The following TNS1 variants were observed in gnomAD, a reference collection of about 807,000 sequenced individuals.
TNS1 encodes the protein tensin 1.
TNS1 carries 62 observed loss-of-function variants against 168.6 expected under a neutral mutation model. The ratio of observed to expected loss-of-function variants is 0.37; its 90% CI spans 0.30 to 0.45. TNS1 has a LOEUF of 0.45. TNS1 is among the 20% of genes least tolerant of loss of function. The probability of loss-of-function intolerance (pLI) is 1.00; values close to 1 mark genes in which losing one functional copy is unlikely to be tolerated. For synonymous variants in TNS1, 934 were observed against 933.2 expected (o/e 1.00, Z -0.02); for missense variants, 2,240 against 2,339.4 (o/e 0.96, Z 0.88).
chr2:217,874,286 A>T (rs1330495427), intron 18 of TNS1, among the ~76,000 whole-genome samples: 2 of 152,204 alleles, frequency 1.3e-5, no homozygotes, highest in Non-Finnish European at 2.9e-5. Flanking sequence ...TGTTCAGCCC[A>T]GTAAGTACAA....
intron 3 of TNS1, among the ~76,000 whole-genome samples, chr2:217,943,176 G>A (rs532778468): frequency 6.6e-6 from 1 of 152,202 alleles, no homozygotes; most frequent in Non-Finnish European, 1.5e-5. Context: ...GAAGGAGTAA[G>A]GGCTAGTGGT....
intron 8 of TNS1, among the ~76,000 whole-genome samples, chr2:217,896,963 G>A (rs552609717): frequency 6.6e-6 from 1 of 152,210 alleles, no homozygotes; most frequent in African/African-American, 2.4e-5. Flanking sequence ...TTACTGTTGG[G>A]TTTTTTCTGA....
rs1194194543 is a variant in TNS1 at position 217,903,606 on chromosome 2, CA to C, written c.321+2728del. 5.2e-6 allele frequency: 8 copies of C among 1,536,198 alleles called. No individual in the cohort carries two copies. In the South Asian group the frequency reaches 7.1e-5, roughly 14 times the overall value. ...ACAGAACTCTCCCCATCCTTACCTCCAAAACACAATCCTTCCTTTGCTGAAA... is the reference window on the plus strand; with the variant it reads ...ACAGAACTCTCCCCATCCTTACCTCCAAACACAATCCTTCCTTTGCTGAAA... On this transcript the variant is annotated intron_variant, in intron 6 of 32. Coordinates refer to ENST00000682258, the MANE Select transcript of TNS1 (RefSeq NM_001387777.1).
At chr2:217,854,032 T>C (rs1020934325) in intron 18 of TNS1, among the ~76,000 whole-genome samples, 1 of 152,226 alleles carries the variant, frequency 6.6e-6, no homozygotes, top group East Asian at 1.9e-4. Context: ...CCTCTGGAGA[T>C]TGTTAAAAAT....
Position 217,848,254 on chromosome 2 carries a change from G to T in TNS1, c.2263C>A (p.Pro755Thr). The T allele has an allele frequency of 6.4e-7, 1 of 1,556,268 alleles. No individual in the cohort carries two copies. The highest frequency in any genetic ancestry group is 8.7e-7 in the Non-Finnish European group (1 of 1,151,024). ...QSFSEAEPQL[P>T]PAPVRGGSSR... The stretch of plus-strand genomic sequence containing the variant: ...CTTCCCCCTCGGACCGGAGCTGGGG[G>T]CAGCTGGGGTTCAGCTTCCGAAAAG... Residue 755 changes from proline to threonine, a missense_variant, in exon 19 of 33, where the codon CCC becomes ACC. This residue lies in a region of TNS1 where 2,131 missense variants were observed against 2,171.2 expected (regional missense o/e 0.98). Coordinates refer to ENST00000682258, the MANE Select transcript of TNS1 (RefSeq NM_001387777.1).
At chr2:217,832,905 C>A (rs1425891069) in intron 21 of TNS1, among the ~76,000 whole-genome samples, 1 of 152,042 alleles carries the variant, frequency 6.6e-6, no homozygotes, top group Non-Finnish European at 1.5e-5. Flanking sequence ...CTCTGTCTAT[C>A]CTCCCTCTGT....
At chr2:217,874,482 T>G (rs948779905) in intron 18 of TNS1, among the ~76,000 whole-genome samples, 1 of 152,204 alleles carries the variant, frequency 6.6e-6, no homozygotes, top group African/African-American at 2.4e-5. Context: ...AATTTGCTGA[T>G]AATGAAACTG....
At chr2:217,821,583 C>T (rs530147054) in intron 23 of TNS1, among the ~76,000 whole-genome samples, 157 bp downstream of exon 23, 2 of 152,282 alleles carry the variant, frequency 1.3e-5, no homozygotes, top group East Asian at 1.9e-4. Context: ...CATGTGCCCT[C>T]AATGCACCTT....
At position 217,944,949 on chromosome 2, in the gene TNS1, T is replaced by C. The variant is rs192498014; in HGVS notation, c.187-24713A>G. ...TTTAGAAAGGAAGGGGAAAAGTTAT[T>C]TGCTACACACCTATCAGATGCTGGC... On this transcript the variant is annotated intron_variant, in intron 3 of 32. Transcript: ENST00000682258. 2.0e-5 allele frequency among the ~76,000 whole-genome samples: 3 copies of C among 152,336 alleles called. No individual in the cohort carries two copies. In the East Asian group the frequency reaches 5.8e-4, roughly 29 times the overall value.
At chr2:217,894,864 T>A (rs1470951442) in intron 9 of TNS1, 142 bp downstream of exon 9, 5 of 826,834 alleles carry the variant, frequency 6.0e-6, no homozygotes, top group Non-Finnish European at 9.8e-6. Flanking sequence ...GATAAGTAGA[T>A]CATTTTCCAT....
rs185811983 is a variant in TNS1, at chr2:217,941,073, T to C, written c.187-20837A>G. On this transcript the variant is annotated intron_variant, in intron 3 of 32. Coordinates refer to ENST00000682258, the MANE Select transcript of TNS1 (RefSeq NM_001387777.1). Reference sequence around the variant, plus strand: ...CTTGATGCTGCCCGGACAACCCGCATTATTTACAAATGTGGAAACTGAGGC... The same window carrying C: ...CTTGATGCTGCCCGGACAACCCGCACTATTTACAAATGTGGAAACTGAGGC... Among the ~76,000 whole-genome samples the C allele has an allele frequency of 2.3e-3, 345 of 152,308 alleles. 1 individual carries two copies. Among genetic ancestry groups the C allele is most frequent in the African/African-American group, 8.0e-3 (333 of 41,576 alleles).
intron 1 of TNS1, among the ~76,000 whole-genome samples, chr2:217,996,523 A>G (rs1054935243): frequency 2.6e-5 from 4 of 151,754 alleles, no homozygotes; most frequent in Non-Finnish European, 4.4e-5. Flanking sequence ...TGCCCTAGCC[A>G]TGTTCTTGGC....
intron 3 of TNS1, among the ~76,000 whole-genome samples, chr2:217,926,174 C>G (rs1956014735): frequency 6.6e-6 from 1 of 152,150 alleles, no homozygotes; most frequent in South Asian, 2.1e-4. Flanking sequence ...TCAGGAGAAA[C>G]CAACACTGCT....
intron 18 of TNS1, chr2:217,850,309 T>C (rs1046188558): frequency 2.0e-6 from 2 of 984,818 alleles, no homozygotes; most frequent in Non-Finnish European, 2.4e-6. Flanking sequence ...GCATATAGGG[T>C]GCTGATGCAG....
intron 4 of TNS1, among the ~76,000 whole-genome samples, chr2:217,913,677 C>T (rs1954684061): frequency 6.6e-6 from 1 of 152,092 alleles, no homozygotes; most frequent in Non-Finnish European, 1.5e-5. Context: ...CCAGGATAGC[C>T]CTTAGTGCTT....
Position 217,909,873 on chromosome 2 carries a change from C to A in TNS1, c.229-2622G>T, listed in dbSNP as rs572535081. ...TGCAACCTTAAGCAGGTCACCTTGTCCTTCCTGCTCCTCAACAGGCCCGCA... is the reference window on the plus strand; with the variant it reads ...TGCAACCTTAAGCAGGTCACCTTGTACTTCCTGCTCCTCAACAGGCCCGCA... On this transcript the variant is annotated intron_variant, in intron 4 of 32. Coordinates refer to ENST00000682258, the MANE Select transcript of TNS1 (RefSeq NM_001387777.1). 3.9e-5 allele frequency among the ~76,000 whole-genome samples: 6 copies of A among 152,332 alleles called. No homozygotes were observed. The South Asian group carries it at 1.2e-3, about 32-fold the overall frequency.
intron 1 of TNS1, among the ~76,000 whole-genome samples, chr2:218,027,329 T>C (rs1261980157): frequency 2.0e-5 from 3 of 151,960 alleles, no homozygotes; most frequent in Non-Finnish European, 4.4e-5. Context: ...GCCCTTTGCA[T>C]GTAGACTCAC....
At chr2:217,942,400 G>A (rs909338080) in intron 3 of TNS1, among the ~76,000 whole-genome samples, 1 of 152,104 alleles carries the variant, frequency 6.6e-6, no homozygotes, top group African/African-American at 2.4e-5. Flanking sequence ...TCCCATTCGG[G>A]TCTCTCCCCC....
chr2:217,874,600 G>A (rs1423818480), intron 18 of TNS1, among the ~76,000 whole-genome samples: 1 of 152,212 alleles, frequency 6.6e-6, no homozygotes, highest in Non-Finnish European at 1.5e-5. Context: ...GCCAGCTATA[G>A]ATGGTTCCCA....
Sources: gnomAD v4.1 joint callset for allele counts (sites outside exome capture counted in the v4.1 genomes callset) on GRCh38, gnomAD v4.1.1 for gene constraint, gnomAD v4.1.1 regional missense constraint, MANE v1.5 for transcripts, NCBI Gene and HGNC (gene_info 2026-07-23, HGNC 2026-07-21) for gene names.